Variants in DCDC1 observed in about 807,000 individuals in gnomAD.
DCDC1 encodes the protein doublecortin domain-containing protein 1.
DCDC1 carries 200 observed loss-of-function variants against 178.3 expected under a neutral mutation model. The observed-to-expected ratio is 1.12, with a 90% CI of 1.00 to 1.26. The LOEUF (loss-of-function observed/expected upper bound fraction) is 1.26, where lower values mean the gene tolerates loss of function less well. Among genes scored for constraint, DCDC1 ranks in the 50% most tolerant of loss-of-function variants. DCDC1 has a pLI of 0.00. For synonymous variants in DCDC1, 690 were observed against 604.8 expected (o/e 1.14, Z -2.07); for missense variants, 1,983 against 1,749.2 (o/e 1.13, Z -2.38).
intron 20 of DCDC1, among the ~76,000 whole-genome samples, chr11:30,973,264 A>G (rs1590617766): frequency 8.9e-6 from 1 of 112,626 alleles, no homozygotes; most frequent in African/African-American, 3.5e-5. Context: ...ACAGAGTGAG[A>G]CTCCATCTCA....
At chr11:31,259,245 C>T (rs1217060275) in intron 8 of DCDC1, among the ~76,000 whole-genome samples, 14 of 151,868 alleles carry the variant, frequency 9.2e-5, no homozygotes, top group African/African-American at 3.4e-4. Context: ...CCACGCTATT[C>T]GGGAGGCTGA....
At chr11:30,873,356 T>TAGAGAGAGAGAGAG (rs1392683202) in intron 38 of DCDC1, among the ~76,000 whole-genome samples, 6 of 138,674 alleles carry the variant, frequency 4.3e-5, no homozygotes, top group African/African-American at 1.4e-4. Context: ...TATATATATA[T>TAGAGAGAGAGAGAG]ATATATATAG....
chr11:31,367,719 C>A (rs144195766), intron 1 of DCDC1, among the ~76,000 whole-genome samples: 243 of 152,264 alleles, frequency 1.6e-3, no homozygotes, highest in African/African-American at 5.3e-3. Flanking sequence ...TGTAAAGTAT[C>A]GCCTTAATAA....
intron 9 of DCDC1, among the ~76,000 whole-genome samples, chr11:31,213,548 C>A (rs1973115648): frequency 6.6e-6 from 1 of 151,752 alleles, no homozygotes; most frequent in Non-Finnish European, 1.5e-5. Context: ...GGTGAAACCC[C>A]ATCTTTATTA....
At chr11:31,285,064 T>G (rs975380096) in intron 7 of DCDC1, among the ~76,000 whole-genome samples, 18 of 152,066 alleles carry the variant, frequency 1.2e-4, no homozygotes, top group Admixed American at 1.1e-3. Flanking sequence ...CATTCTTTTT[T>G]CTTTTTGCTT....
At chr11:30,895,003 C>A (rs1037535713) in intron 34 of DCDC1, among the ~76,000 whole-genome samples, 1 of 152,018 alleles carries the variant, frequency 6.6e-6, no homozygotes, top group African/African-American at 2.4e-5. Flanking sequence ...TGTGGTGATT[C>A]CAATTTATGT....
intron 9 of DCDC1, among the ~76,000 whole-genome samples, chr11:31,231,902 T>C (rs1975816781): frequency 6.6e-6 from 1 of 152,162 alleles, no homozygotes; most frequent in Non-Finnish European, 1.5e-5. Flanking sequence ...ATGCTGTGAG[T>C]GGATTTGCTC....
At position 30,903,544 on chromosome 11, in the gene DCDC1, TCA is replaced by T; in HGVS notation, c.4446_4447del (p.Lys1484ThrfsTer16). 1.2e-6 allele frequency: 2 copies of T among 1,606,950 alleles called. No homozygotes were observed. The highest frequency in any genetic ancestry group is 1.7e-6 in the Non-Finnish European group (2 of 1,176,384). On this transcript the variant is annotated frameshift_variant, in exon 32 of 39. Coordinates refer to ENST00000684477, the MANE Select transcript of DCDC1 (RefSeq NM_001387274.1). LOFTEE classifies it high-confidence loss of function. ...AGGAGCTGCATCTTGCTTTTGTTTC[TCA>T]GAGTCTCTCTGGAGAAAGGATTCAT...
intron 15 of DCDC1, among the ~76,000 whole-genome samples, chr11:31,096,366 A>T (rs1958152431): frequency 6.6e-6 from 1 of 152,164 alleles, no homozygotes; most frequent in African/African-American, 2.4e-5. Flanking sequence ...CCTAACTCCA[A>T]GTTGCCATCA....
chr11:31,027,012 T>G (rs540278453), intron 20 of DCDC1, among the ~76,000 whole-genome samples: 5 of 151,832 alleles, frequency 3.3e-5, no homozygotes, highest in African/African-American at 1.2e-4. Context: ...ACCTTCAACT[T>G]CATTGCATAC....
chr11:31,347,235 A>T (rs1950861643), intron 1 of DCDC1, among the ~76,000 whole-genome samples: 1 of 152,148 alleles, frequency 6.6e-6, no homozygotes, highest in Non-Finnish European at 1.5e-5. Flanking sequence ...TCCCTAGAGG[A>T]AGGGTGAGAA....
intron 9 of DCDC1, among the ~76,000 whole-genome samples, chr11:31,229,122 A>C (rs1156297389): frequency 6.6e-6 from 1 of 152,146 alleles, no homozygotes; most frequent in Non-Finnish European, 1.5e-5. Flanking sequence ...TTTAAAACCT[A>C]CCTGTAAACA....
At chr11:31,354,936 G>T (rs1951256540) in intron 1 of DCDC1, among the ~76,000 whole-genome samples, 1 of 150,862 alleles carries the variant, frequency 6.6e-6, no homozygotes, top group Non-Finnish European at 1.5e-5. Flanking sequence ...CTCAACTTTT[G>T]ACCTTTTTTT....
chr11:31,230,757 TC>T (rs1289265525), intron 9 of DCDC1, among the ~76,000 whole-genome samples: 1 of 152,234 alleles, frequency 6.6e-6, no homozygotes, highest in East Asian at 1.9e-4. Flanking sequence ...AAATTTTTTA[TC>T]ATTAGCTTAA....
At position 31,103,676 on chromosome 11, in the gene DCDC1, A is replaced by G. The variant is rs1356816069; in HGVS notation, c.1845T>C (p.Asp615=). 4 of 765,196 alleles carry G rather than the reference A, an allele frequency of 5.2e-6. No homozygotes were observed. In the African/African-American group the frequency reaches 6.8e-5, roughly 13 times the overall value. The allele number at this position is 765,196 out of a possible 1,614,324, so 47.4% of individuals were successfully genotyped here. ...DIMVAYKTFL[D]PNAVLLPGCG... ...ATCCAGGTAGCAGAACAGCATTAGG[A>G]TCCAAAAAGGTCTTATATGCAACCA... Residue 615 remains aspartate (D), a synonymous_variant, in exon 14 of 39, where the codon GAT becomes GAC. Transcript: ENST00000684477.
chr11:31,216,642 G>A lies in DCDC1; in HGVS notation c.1221+24808C>T, dbSNP rs1973605001. Among the ~76,000 whole-genome samples the A allele has an allele frequency of 2.0e-5, 3 of 152,170 alleles. No homozygotes were observed. In the South Asian group the frequency reaches 6.2e-4, roughly 32 times the overall value. ...TCTGGATGTCATAATCTCAAGGCAG[G>A]TGCTTCATAGTTCATGCACAGAAAC... On this transcript the variant is annotated intron_variant, in intron 9 of 38. Transcript: ENST00000684477.
At chr11:30,900,814 G>A (rs1303789553) in intron 32 of DCDC1, among the ~76,000 whole-genome samples, 1 of 151,890 alleles carries the variant, frequency 6.6e-6, no homozygotes, top group Non-Finnish European at 1.5e-5. Flanking sequence ...CAAGCACAGG[G>A]GAAAGGAGTA....
At chr11:31,306,829 C>G (rs1342034068) in intron 4 of DCDC1, among the ~76,000 whole-genome samples, 1 of 151,928 alleles carries the variant, frequency 6.6e-6, no homozygotes, top group Non-Finnish European at 1.5e-5. Context: ...AGTTCTTTAA[C>G]TTTTTTAAAA....
At chr11:31,181,070 T>TC (rs1324165259) in intron 9 of DCDC1, among the ~76,000 whole-genome samples, 1 of 152,084 alleles carries the variant, frequency 6.6e-6, no homozygotes, top group Non-Finnish European at 1.5e-5. Flanking sequence ...TAGGTGGTTT[T>TC]CCCCTCACAT....
Sources: gnomAD v4.1 joint callset for allele counts (sites outside exome capture counted in the v4.1 genomes callset) on GRCh38, gnomAD v4.1.1 for gene constraint, MANE v1.5 for transcripts, NCBI Gene and HGNC (gene_info 2026-07-23, HGNC 2026-07-21) for gene names.